The following FHIT variants were observed in gnomAD, a reference collection of about 807,000 sequenced individuals.
FHIT encodes bis(5'-adenosyl)-triphosphatase.
In FHIT, 19 loss-of-function variants were observed where a neutral mutation model predicts 17.9. That is an observed-to-expected ratio of 1.06 (90% CI 0.74 to 1.56). The LOEUF (loss-of-function observed/expected upper bound fraction) is 1.56, where lower values mean the gene tolerates loss of function less well. FHIT is among the 40% of genes most tolerant of loss of function. FHIT has a pLI of 0.00. For synonymous variants in FHIT, 81 were observed against 69.7 expected, an observed-to-expected ratio of 1.16 and a Z score of -0.81; for missense variants, 248 against 189.2, an observed-to-expected ratio of 1.31 and a Z score of -1.82.
At chr3:60,376,981 T>A (rs911051587) in intron 5 of FHIT, among the ~76,000 whole-genome samples, 1 of 152,206 alleles carries the variant, frequency 6.6e-6, no homozygotes, top group Non-Finnish European at 1.5e-5. Context: ...TCCATCCATT[T>A]ATCTCTCTCT....
At chr3:60,053,609 T>TA (rs1444022851) in intron 5 of FHIT, among the ~76,000 whole-genome samples, 1 of 151,904 alleles carries the variant, frequency 6.6e-6, no homozygotes, top group African/African-American at 2.4e-5. Flanking sequence ...TAATGCCTTA[T>TA]AAAAAAATCT....
intron 5 of FHIT, among the ~76,000 whole-genome samples, chr3:60,470,937 G>A (rs1234843817): frequency 1.3e-5 from 2 of 152,148 alleles, no homozygotes; most frequent in Non-Finnish European, 2.9e-5. Context: ...GATGCACTCT[G>A]CAAGAACTGA....
At chr3:59,758,451 A>AGAT (rs1701331024) in intron 8 of FHIT, among the ~76,000 whole-genome samples, 1 of 152,204 alleles carries the variant, frequency 6.6e-6, no homozygotes, top group Non-Finnish European at 1.5e-5. Flanking sequence ...GGGGTCTAAA[A>AGAT]GATGGTCTCC....
At chr3:59,799,817 G>A (rs1235722385) in intron 8 of FHIT, among the ~76,000 whole-genome samples, 2 of 152,028 alleles carry the variant, frequency 1.3e-5, no homozygotes, top group Non-Finnish European at 2.9e-5. Context: ...AATACATAAC[G>A]GTGTCTTGCA....
At chr3:60,551,438 T>C (rs1420366707) in intron 4 of FHIT, among the ~76,000 whole-genome samples, 6 of 81,308 alleles carry the variant, frequency 7.4e-5, no homozygotes, top group Admixed American at 1.7e-4. Flanking sequence ...CTGGGAAATA[T>C]AGTGAGAAAG....
intron 5 of FHIT, among the ~76,000 whole-genome samples, chr3:60,022,373 T>A (rs988119733): frequency 6.6e-6 from 1 of 152,234 alleles, no homozygotes; most frequent in Non-Finnish European, 1.5e-5. Context: ...GTAGGCCTTC[T>A]GGACCCTTGC....
intron 5 of FHIT, among the ~76,000 whole-genome samples, chr3:60,267,693 T>C (rs1706654511): frequency 6.6e-6 from 1 of 152,124 alleles, no homozygotes; most frequent in Non-Finnish European, 1.5e-5. Context: ...GTTTAGTAAA[T>C]ATTTAAGCAT....
intron 2 of FHIT, among the ~76,000 whole-genome samples, chr3:61,195,447 T>C (rs1013237351): frequency 6.6e-6 from 1 of 152,096 alleles, no homozygotes; most frequent in Non-Finnish European, 1.5e-5. Flanking sequence ...GTGGTGATGA[T>C]GATGAAGATG....
chr3:60,094,545 G>A (rs1257144508), intron 5 of FHIT, among the ~76,000 whole-genome samples: 2 of 152,172 alleles, frequency 1.3e-5, no homozygotes, highest in Admixed American at 1.3e-4. Context: ...TTCCTATTCT[G>A]AGACAACCTA....
At chr3:60,766,746 CTT>C (rs1166233923) in intron 4 of FHIT, among the ~76,000 whole-genome samples, 2 of 152,174 alleles carry the variant, frequency 1.3e-5, no homozygotes, top group African/African-American at 4.8e-5. Flanking sequence ...GAAAACAGAT[CTT>C]TCTCCCCACA....
At chr3:61,238,450 C>T (rs1206400548) in intron 1 of FHIT, among the ~76,000 whole-genome samples, 1 of 152,200 alleles carries the variant, frequency 6.6e-6, no homozygotes, top group African/African-American at 2.4e-5. Context: ...AAAATAGCCA[C>T]TACCGCTGCC....
intron 8 of FHIT, among the ~76,000 whole-genome samples, chr3:59,895,538 C>T (rs1199705490): frequency 5.3e-5 from 8 of 151,680 alleles, no homozygotes; most frequent in Admixed American, 4.6e-4. Flanking sequence ...ATAAATCTGT[C>T]CCACTTCCTT....
intron 5 of FHIT, among the ~76,000 whole-genome samples, chr3:60,124,559 C>T (rs2107236984): frequency 6.6e-6 from 1 of 152,104 alleles, no homozygotes; most frequent in South Asian, 2.1e-4. Flanking sequence ...GTAGTGCTTC[C>T]CCTTGTTCTA....
At chr3:60,085,030 G>C (rs1028181371) in intron 5 of FHIT, among the ~76,000 whole-genome samples, 3 of 152,086 alleles carry the variant, frequency 2.0e-5, no homozygotes, top group Admixed American at 1.3e-4. Flanking sequence ...TCTGGAATTG[G>C]TTTGCCACTT....
At chr3:59,903,455 C>T (rs1704429544) in intron 8 of FHIT, among the ~76,000 whole-genome samples, 1 of 152,066 alleles carries the variant, frequency 6.6e-6, no homozygotes, top group African/African-American at 2.4e-5. Context: ...CTAAATAAAG[C>T]TGTTACTATA....
At chr3:59,762,977 C>A (rs1014385017) in intron 8 of FHIT, among the ~76,000 whole-genome samples, 1 of 152,194 alleles carries the variant, frequency 6.6e-6, no homozygotes, top group African/African-American at 2.4e-5. Context: ...AAGCAGACTT[C>A]GGAGAAGGAA....
intron 5 of FHIT, among the ~76,000 whole-genome samples, chr3:60,046,449 T>C (rs1234317324): frequency 1.3e-5 from 2 of 152,218 alleles, no homozygotes; most frequent in Non-Finnish European, 2.9e-5. Flanking sequence ...TGAAGAGGGC[T>C]CGGCCAGCTG....
intron 5 of FHIT, among the ~76,000 whole-genome samples, chr3:60,310,442 A>G (rs977081891): frequency 1.3e-5 from 2 of 152,202 alleles, no homozygotes; most frequent in Non-Finnish European, 2.9e-5. Context: ...AAAGACCAAC[A>G]GAAGCAAAGG....
chr3:59,880,417 G>A (rs1023340676), intron 8 of FHIT, among the ~76,000 whole-genome samples: 1 of 152,142 alleles, frequency 6.6e-6, no homozygotes, highest in Non-Finnish European at 1.5e-5. Flanking sequence ...ATCGATAGCA[G>A]AAAGAACCAT....
Sources: gnomAD v4.1 joint callset for allele counts (sites outside exome capture counted in the v4.1 genomes callset) on GRCh38, gnomAD v4.1.1 for gene constraint, MANE v1.5 for transcripts, NCBI Gene and HGNC (gene_info 2026-07-23, HGNC 2026-07-21) for gene names.